CAST: variants seen among roughly 807,000 people sequenced by gnomAD.
CAST encodes calpastatin.
In CAST, 76 loss-of-function variants were observed where a neutral mutation model predicts 119.6. That is an observed-to-expected ratio of 0.64 (90% CI 0.53 to 0.77). The LOEUF is 0.77. Ranked by LOEUF, CAST falls within the 30% of genes least tolerant of loss-of-function variation. The pLI is 0.00. For synonymous variants in CAST, 319 were observed against 331.6 expected (o/e 0.96, Z 0.41); for missense variants, 953 against 946.5 (o/e 1.01, Z -0.09).
the CAST span, among the ~76,000 whole-genome samples, chr5:95,997,731 A>G: frequency 6.6e-6 from 1 of 152,088 alleles, no homozygotes; most frequent in Non-Finnish European, 1.5e-5. Flanking sequence ...CTTTCTGGGT[A>G]TTCCCCAACC....
At chr5:96,178,527 A>G in the CAST span, among the ~76,000 whole-genome samples, 1 of 152,198 alleles carries the variant, frequency 6.6e-6, no homozygotes, top group Admixed American at 6.5e-5. Context: ...AAGAAAAAAA[A>G]AGAAGCCTTT....
chr5:96,219,762 A>C, the CAST span, among the ~76,000 whole-genome samples: 6 of 142,052 alleles, frequency 4.2e-5, no homozygotes, highest in East Asian at 1.9e-4. Flanking sequence ...GGCAGGCAGG[A>C]AGGAAGGAAG....
chr5:96,149,182 T>C, the CAST span, among the ~76,000 whole-genome samples: 1 of 152,228 alleles, frequency 6.6e-6, no homozygotes, highest in Non-Finnish European at 1.5e-5. Flanking sequence ...ATGAGACTTG[T>C]CTGTGAGGAA....
the CAST span, among the ~76,000 whole-genome samples, chr5:96,169,584 G>A: frequency 5.9e-5 from 9 of 152,134 alleles, no homozygotes; most frequent in Admixed American, 2.0e-4. Flanking sequence ...TGTAGCAGGC[G>A]AGTGATAACA....
At chr5:96,731,088 G>A (rs575416869) in intron 9 of CAST, among the ~76,000 whole-genome samples, 4 of 152,098 alleles carry the variant, frequency 2.6e-5, no homozygotes, top group Non-Finnish European at 2.9e-5. Context: ...CATATATAAC[G>A]TACTGATATC....
At chr5:96,662,190 A>T (rs1748594515), upstream of CAST, 1 of 443,096 alleles carries the variant, frequency 2.3e-6, no homozygotes, top group Non-Finnish European at 3.9e-6. Context: ...GGAGGGTGTT[A>T]AGTTACAGGG....
In CAST at chr5:96,730,833, T is replaced by C. The variant is rs1760313123; in HGVS notation, c.603T>C (p.Thr201=). The part of the protein sequence containing the change: ...SAGGESVAGI[T]AISGKPGDKK... ...GTGGAGAGAGTGTTGCTGGTATCACTGCAATATCTGGCAAGCCGGGTGACA... is the reference window on the plus strand; with the variant it reads ...GTGGAGAGAGTGTTGCTGGTATCACCGCAATATCTGGCAAGCCGGGTGACA... Residue 201 remains threonine, a synonymous_variant, in exon 9 of 32, where the codon ACT becomes ACC. Coordinates refer to ENST00000675179, the MANE Select transcript of CAST (RefSeq NM_001750.7). 2 of 1,613,618 alleles carry C rather than the reference T, an allele frequency of 1.2e-6. No homozygotes were observed. Among genetic ancestry groups the C allele is most frequent in the Non-Finnish European group, 1.7e-6 (2 of 1,179,648 alleles).
intron 1 of CAST, among the ~76,000 whole-genome samples, chr5:96,599,966 C>CAAAAA (rs74978713): frequency 8.1e-4 from 38 of 47,204 alleles, no homozygotes; most frequent in Middle Eastern, 0.012. Context: ...CTTCATTAGG[C>CAAAAA]AAAAAAAAAA....
chr5:96,052,306 T>C, the CAST span, among the ~76,000 whole-genome samples: 1 of 152,192 alleles, frequency 6.6e-6, no homozygotes, highest in Non-Finnish European at 1.5e-5. Flanking sequence ...AGACTCTTCC[T>C]ACAGGGTTTC....
chr5:96,569,931 C>T (rs964233413), intron 1 of CAST, among the ~76,000 whole-genome samples: 4 of 152,180 alleles, frequency 2.6e-5, no homozygotes, highest in Non-Finnish European at 5.9e-5. Flanking sequence ...CTGTTTCATT[C>T]CCACAGAGAA....
At chr5:95,994,248 G>A in the CAST span, among the ~76,000 whole-genome samples, 2 of 152,186 alleles carry the variant, frequency 1.3e-5, no homozygotes, top group Non-Finnish European at 2.9e-5. Context: ...TTGTAATGGT[G>A]TCTAACGAAA....
At chr5:96,373,231 A>G in the CAST span, among the ~76,000 whole-genome samples, 2 of 152,214 alleles carry the variant, frequency 1.3e-5, no homozygotes, top group South Asian at 2.1e-4. Context: ...GTGAAAAGCA[A>G]TTAAGGCCTC....
chr5:96,511,711 T>C, the CAST span, among the ~76,000 whole-genome samples: 1 of 152,238 alleles, frequency 6.6e-6, no homozygotes, highest in Non-Finnish European at 1.5e-5. Flanking sequence ...CTGTTGGAGA[T>C]AGTAGCTCAA....
intron 1 of CAST, among the ~76,000 whole-genome samples, chr5:96,605,388 A>G (rs1425912861): frequency 6.6e-6 from 1 of 152,216 alleles, no homozygotes; most frequent in Non-Finnish European, 1.5e-5. Flanking sequence ...GAGATGTTAA[A>G]CTTGCACAAG....
At chr5:96,451,891 G>T in the CAST span, among the ~76,000 whole-genome samples, 1 of 152,132 alleles carries the variant, frequency 6.6e-6, no homozygotes, top group South Asian at 2.1e-4. Flanking sequence ...CATGAAAAAA[G>T]ACTCATCATC....
At chr5:96,590,220 G>C (rs1479579947) in intron 1 of CAST, among the ~76,000 whole-genome samples, 1 of 152,168 alleles carries the variant, frequency 6.6e-6, no homozygotes, top group African/African-American at 2.4e-5. Flanking sequence ...TGTTAGAAAT[G>C]CAGCATCTCA....
chr5:96,305,099 ATTTG>A, the CAST span, among the ~76,000 whole-genome samples: 1 of 152,134 alleles, frequency 6.6e-6, no homozygotes, highest in Non-Finnish European at 1.5e-5. Context: ...ATGTTTTTCC[ATTTG>A]TTTATGTCCT....
At chr5:95,980,704 C>T in the CAST span, among the ~76,000 whole-genome samples, 22 of 152,168 alleles carry the variant, frequency 1.4e-4, no homozygotes, top group African/African-American at 4.6e-4. Flanking sequence ...TAAGCCCTCA[C>T]GTCACCCACC....
chr5:96,393,436 A>G, the CAST span: 5 of 1,599,636 alleles, frequency 3.1e-6, no homozygotes, highest in Non-Finnish European at 4.3e-6. Context: ...TGGCCAGGCA[A>G]GCTAGTTGCA....
Sources: gnomAD v4.1 joint callset for allele counts (sites outside exome capture counted in the v4.1 genomes callset) on GRCh38, gnomAD v4.1.1 for gene constraint, MANE v1.5 for transcripts, NCBI Gene and HGNC (gene_info 2026-07-23, HGNC 2026-07-21) for gene names.